PPP2R2C: variants seen among roughly 807,000 people sequenced by gnomAD.
PPP2R2C encodes the protein protein phosphatase 2 regulatory subunit Bgamma.
A neutral mutation model predicts 45.3 loss-of-function variants in PPP2R2C; 10 were observed. The ratio of observed to expected loss-of-function variants is 0.22; its 90% CI spans 0.14 to 0.37. The LOEUF (loss-of-function observed/expected upper bound fraction) is 0.37, where lower values mean the gene tolerates loss of function less well. PPP2R2C is among the 10% of genes least tolerant of loss of function. The probability of loss-of-function intolerance (pLI) is 1.00; values close to 1 mark genes in which losing one functional copy is unlikely to be tolerated. For synonymous variants in PPP2R2C, 257 were observed against 245.4 expected (o/e 1.05, Z -0.44); for missense variants, 308 against 619.7 (o/e 0.50, Z 5.34).
intron 1 of PPP2R2C, among the ~76,000 whole-genome samples, chr4:6,470,474 G>A (rs1721810216): frequency 6.6e-6 from 1 of 152,142 alleles, no homozygotes; most frequent in Admixed American, 6.5e-5. Flanking sequence ...GTCCCACAAC[G>A]AGCCCTGCGC....
intron 1 of PPP2R2C, among the ~76,000 whole-genome samples, chr4:6,432,553 A>G (rs1225353718): frequency 6.6e-6 from 1 of 152,212 alleles, no homozygotes; most frequent in African/African-American, 2.4e-5. Context: ...GGGTGGGCCC[A>G]GTATTTCAGG....
At chr4:6,516,121 C>T (rs910015135) in intron 2 of PPP2R2C, among the ~76,000 whole-genome samples, 1 of 152,214 alleles carries the variant, frequency 6.6e-6, no homozygotes, top group Non-Finnish European at 1.5e-5. Flanking sequence ...TGAATTAGGA[C>T]TTCAACAAGT....
intron 6 of PPP2R2C, among the ~76,000 whole-genome samples, chr4:6,334,836 G>A (rs976165169): frequency 6.6e-6 from 1 of 152,182 alleles, no homozygotes; most frequent in African/African-American, 2.4e-5. Context: ...AAGCAGAGCT[G>A]ATCACAGCAC....
At chr4:6,563,602 G>A (rs894086826), upstream of PPP2R2C, 1 of 152,632 alleles carries the variant, frequency 6.6e-6, no homozygotes, top group Non-Finnish European at 1.5e-5. The surrounding 1 kb of genome is among the most constrained non-coding windows in gnomAD (Gnocchi z 5.8). Context: ...AGCTGGCACA[G>A]GCACCAGGAG....
At chr4:6,358,519 CAAAAAAA>C (rs74576376) in intron 5 of PPP2R2C, among the ~76,000 whole-genome samples, 2 of 132,750 alleles carry the variant, frequency 1.5e-5, no homozygotes, top group Middle Eastern at 4.0e-3. Flanking sequence ...TTCTGCACAG[CAAAAAAA>C]AAAAAAAAAT....
intron 1 of PPP2R2C, 81 bp from the exon 2 acceptor site, chr4:6,381,175 G>C (rs763432653): frequency 8.4e-6 from 13 of 1,549,964 alleles, no homozygotes; most frequent in Non-Finnish European, 1.1e-5. Flanking sequence ...CACAGCAATG[G>C]CGAGCTCCCC....
intron 2 of PPP2R2C, among the ~76,000 whole-genome samples, chr4:6,528,787 C>G (rs1016855207): frequency 2.1e-4 from 32 of 152,266 alleles, no homozygotes; most frequent in Admixed American, 1.4e-3. Context: ...CATCCTGGCT[C>G]AAAAGCTCCC....
chr4:6,421,333 C>A (rs11734695), intron 1 of PPP2R2C, among the ~76,000 whole-genome samples: 98,055 of 152,014 alleles, frequency 0.65, 33,321 homozygotes, highest in Non-Finnish European at 0.76. Context: ...GTGCTTCCTA[C>A]TTCTGGGATT....
chr4:6,434,367 TTTTTTTTTG>T (rs1719784396), intron 1 of PPP2R2C, among the ~76,000 whole-genome samples: 1 of 142,244 alleles, frequency 7.0e-6, no homozygotes, highest in East Asian at 2.0e-4. Flanking sequence ...TTCTTTTTTT[TTTTTTTTTG>T]GAGACAGAGT....
intron 1 of PPP2R2C, among the ~76,000 whole-genome samples, chr4:6,389,168 G>A (rs1378734942): frequency 3.3e-5 from 5 of 152,176 alleles, no homozygotes; most frequent in Non-Finnish European, 7.3e-5. Flanking sequence ...TGACATCCCT[G>A]CCTGGCCATG....
intron 6 of PPP2R2C, among the ~76,000 whole-genome samples, chr4:6,340,442 T>C (rs1036316072): frequency 8.5e-5 from 13 of 152,118 alleles, no homozygotes; most frequent in African/African-American, 3.1e-4. Flanking sequence ...CCTACTTATT[T>C]ACTAGTCCCC....
intron 2 of PPP2R2C, among the ~76,000 whole-genome samples, chr4:6,511,468 G>T (rs116511288): frequency 0.046 from 5,082 of 110,854 alleles, 598 homozygotes; most frequent in African/African-American, 0.23. Context: ...GATGACGGTG[G>T]TGGTGGTGAT....
intron 2 of PPP2R2C, among the ~76,000 whole-genome samples, chr4:6,511,828 G>A (rs1560594448): frequency 2.1e-4 from 6 of 28,692 alleles, no homozygotes; most frequent in East Asian, 1.0e-3. Context: ...GATGGTGGTG[G>A]TGGTGGTGAT....
In PPP2R2C at chr4:6,329,366, G is replaced by A; in HGVS notation, c.961-13C>T. On this transcript the variant is annotated splice_polypyrimidine_tract_variant and intron_variant, in intron 7 of 8. Transcript: ENST00000382599. The surrounding 1 kb of genome is among the most constrained non-coding windows in gnomAD (Gnocchi z 5.8). ...GGTAGTCATGGACCTGGTGGGATAAGGGATGAGGTGAGTGGACGGGGCGTC... is the reference window on the plus strand; with the variant it reads ...GGTAGTCATGGACCTGGTGGGATAAAGGATGAGGTGAGTGGACGGGGCGTC... 8.1e-6 allele frequency: 13 copies of A among 1,610,202 alleles called. No homozygotes were observed. Among genetic ancestry groups the A allele is most frequent in the Non-Finnish European group, 1.1e-5 (13 of 1,176,404 alleles).
At chr4:6,511,243 G>GTGATGCTGATGC (rs79894855) in intron 2 of PPP2R2C, among the ~76,000 whole-genome samples, 19 of 144,506 alleles carry the variant, frequency 1.3e-4, no homozygotes, top group African/African-American at 5.2e-4. Context: ...CGTTCCGCTG[G>GTGATGCTGATGC]TGATGCTGAT....
chr4:6,478,007 T>C (rs965369438), intron 2 of PPP2R2C, among the ~76,000 whole-genome samples: 3 of 152,086 alleles, frequency 2.0e-5, no homozygotes, highest in African/African-American at 7.2e-5. Context: ...TATGACAACA[T>C]CTCAGCTCAA....
At chr4:6,410,828 A>ACAGCC (rs1718121592) in intron 1 of PPP2R2C, among the ~76,000 whole-genome samples, 2 of 151,112 alleles carry the variant, frequency 1.3e-5, no homozygotes, top group Admixed American at 6.6e-5. Context: ...AGTAGGGACT[A>ACAGCC]CTATTCCCCC....
chr4:6,495,926 GC>G (rs1158833771), intron 2 of PPP2R2C, among the ~76,000 whole-genome samples: 1 of 152,166 alleles, frequency 6.6e-6, no homozygotes, highest in Admixed American at 6.5e-5. Flanking sequence ...CAGGGCCAGT[GC>G]CTTCCAGAAG....
intron 1 of PPP2R2C, among the ~76,000 whole-genome samples, chr4:6,448,210 C>T (rs1720535932): frequency 6.6e-6 from 1 of 152,198 alleles, no homozygotes; most frequent in Admixed American, 6.5e-5. Context: ...CCTCAGGTGG[C>T]TCTCACCACC....
Sources: allele counts gnomAD v4.1 joint callset (sites outside exome capture counted in the v4.1 genomes callset), GRCh38; gene constraint gnomAD v4.1.1; non-coding constraint Gnocchi (gnomAD v3.1); transcripts MANE v1.5; gene names NCBI Gene and HGNC (gene_info 2026-07-23, HGNC 2026-07-21).